Variants in DYNC1I1 observed in about 807,000 individuals in gnomAD.
DYNC1I1 encodes dynein cytoplasmic 1 intermediate chain 1, also known as cytoplasmic dynein 1 intermediate chain 1.
Under a neutral mutation model 86.6 loss-of-function variants are expected in DYNC1I1, and 43 were observed. The ratio of observed to expected loss-of-function variants is 0.50; its 90% confidence interval spans 0.39 to 0.64. The LOEUF is 0.64. Among genes scored for constraint, DYNC1I1 ranks in the 30% least tolerant of loss-of-function variants. The pLI, the probability that DYNC1I1 is intolerant of heterozygous loss-of-function variation, is 0.00. For synonymous variants in DYNC1I1, 262 were observed against 283.7 expected (o/e 0.92, Z 0.77); for missense variants, 604 against 788.8 (o/e 0.77, Z 2.81).
intron 5 of DYNC1I1, among the ~76,000 whole-genome samples, chr7:95,838,914 C>T (rs888554427): frequency 6.6e-6 from 1 of 152,154 alleles, no homozygotes; most frequent in African/African-American, 2.4e-5. Flanking sequence ...ATGTCATCTA[C>T]AAAAAGAGAC....
intron 6 of DYNC1I1, among the ~76,000 whole-genome samples, chr7:95,952,739 TA>T (rs896300563): frequency 1.3e-5 from 2 of 151,942 alleles, no homozygotes; most frequent in Non-Finnish European, 2.9e-5. Context: ...ATAATATGCT[TA>T]AAAAAAAGCT....
chr7:95,888,417 A>G (rs1790652135), intron 6 of DYNC1I1, among the ~76,000 whole-genome samples: 1 of 152,212 alleles, frequency 6.6e-6, no homozygotes, highest in Non-Finnish European at 1.5e-5. Flanking sequence ...AGCCTGGGCA[A>G]CAGAGTGAGA....
Position 96,097,646 on chromosome 7 carries a change from C to G in DYNC1I1, c.*53C>G. On this transcript the variant is annotated 3_prime_UTR_variant, in exon 17 of 17. Coordinates refer to ENST00000447467, the MANE Select transcript of DYNC1I1 (RefSeq NM_001135556.2). ...CCCACCTTTGTGTCCTAGAGCTCAG[C>G]GTCTGCAGTCAAGTCTCTTGTATTC... is the stretch of plus-strand genomic sequence containing the variant. 6.2e-7 allele frequency: 1 copy of G among 1,606,584 alleles called. No individual in the cohort carries two copies. The highest frequency in any genetic ancestry group is 8.5e-7 in the Non-Finnish European group (1 of 1,175,924).
At chr7:95,841,785 C>T (rs1281381313) in intron 5 of DYNC1I1, among the ~76,000 whole-genome samples, 2 of 152,164 alleles carry the variant, frequency 1.3e-5, no homozygotes, top group Non-Finnish European at 2.9e-5. Flanking sequence ...GACCCTTGGG[C>T]AGCAGCTGAA....
intron 14 of DYNC1I1, among the ~76,000 whole-genome samples, chr7:96,051,583 G>C (rs1291835787): frequency 6.6e-6 from 1 of 152,148 alleles, no homozygotes; most frequent in Non-Finnish European, 1.5e-5. Flanking sequence ...CAGTTAACAT[G>C]CATCTCAATC....
At chr7:95,787,015 G>A (rs1794166635) in intron 1 of DYNC1I1, among the ~76,000 whole-genome samples, 1 of 152,172 alleles carries the variant, frequency 6.6e-6, no homozygotes, top group South Asian at 2.1e-4. Flanking sequence ...ATACAGATGG[G>A]CAGAATTAAG....
chr7:95,833,689 C>T (rs1170208668), intron 5 of DYNC1I1, among the ~76,000 whole-genome samples: 22 of 149,422 alleles, frequency 1.5e-4, no homozygotes, highest in South Asian at 6.6e-4. Flanking sequence ...CCCTCACGTC[C>T]CTTGTAAGTT....
chr7:95,881,061 G>A (rs1195424296), intron 6 of DYNC1I1, among the ~76,000 whole-genome samples: 1 of 152,144 alleles, frequency 6.6e-6, no homozygotes, highest in Admixed American at 6.6e-5. Context: ...CACGATGTCA[G>A]TTCTGAAGAA....
chr7:96,020,029 A>G (rs184123824), intron 10 of DYNC1I1, among the ~76,000 whole-genome samples: 43 of 151,456 alleles, frequency 2.8e-4, no homozygotes, highest in Non-Finnish European at 5.3e-4. Context: ...TCATGCTCCT[A>G]TTATAAAAAA....
intron 5 of DYNC1I1, among the ~76,000 whole-genome samples, chr7:95,846,262 C>T (rs1255863728): frequency 6.6e-6 from 1 of 152,140 alleles, no homozygotes; most frequent in Non-Finnish European, 1.5e-5. Context: ...AATAGCAGAA[C>T]CTCTTCCAGT....
At chr7:95,916,678 C>T (rs1433779871) in intron 6 of DYNC1I1, among the ~76,000 whole-genome samples, 2 of 152,148 alleles carry the variant, frequency 1.3e-5, no homozygotes, top group Non-Finnish European at 1.5e-5. Flanking sequence ...ACATACGCAG[C>T]CTTCCCTCGG....
At chr7:95,789,583 G>C (rs1794239176) in intron 1 of DYNC1I1, among the ~76,000 whole-genome samples, 4 of 152,128 alleles carry the variant, frequency 2.6e-5, no homozygotes, top group Admixed American at 2.6e-4. Context: ...CCAGTGCTCT[G>C]TGAATACATT....
intron 14 of DYNC1I1, among the ~76,000 whole-genome samples, chr7:96,063,638 T>TA (rs1211904683): frequency 6.6e-6 from 1 of 152,190 alleles, no homozygotes; most frequent in Non-Finnish European, 1.5e-5. Context: ...ACACCAGTCA[T>TA]ACTGGATTAC....
At chr7:95,779,470 C>T (rs1392707598) in intron 1 of DYNC1I1, among the ~76,000 whole-genome samples, 2 of 152,180 alleles carry the variant, frequency 1.3e-5, no homozygotes, top group Non-Finnish European at 2.9e-5. Context: ...ATGCTAAATA[C>T]CATAATTCTT....
Position 96,098,096 on chromosome 7 carries a change from C to A in DYNC1I1, c.*503C>A, listed in dbSNP as rs1333444499. Reference sequence around the variant, plus strand: ...GCTGCTCCTTATTTATTGTAGTGTGCTGCATGGAACGTATTTATTTGAAAG... The same window carrying A: ...GCTGCTCCTTATTTATTGTAGTGTGATGCATGGAACGTATTTATTTGAAAG... On this transcript the variant is annotated 3_prime_UTR_variant, in exon 17 of 17. Transcript: ENST00000447467. 2 of 986,706 alleles carry A rather than the reference C, an allele frequency of 2.0e-6. No homozygotes were observed. The highest frequency in any genetic ancestry group is 3.5e-5 in the African/African-American group (2 of 57,194). 61.1% of individuals were successfully genotyped at this position (986,706 alleles called of 1,614,324 possible).
intron 14 of DYNC1I1, among the ~76,000 whole-genome samples, chr7:96,049,816 G>C (rs1032030098): frequency 6.6e-6 from 1 of 152,052 alleles, no homozygotes; most frequent in Non-Finnish European, 1.5e-5. Context: ...CGGATCACCT[G>C]AGCTCAGGAG....
At chr7:95,941,202 GC>G (rs1169758708) in intron 6 of DYNC1I1, among the ~76,000 whole-genome samples, 1 of 152,016 alleles carries the variant, frequency 6.6e-6, no homozygotes, top group Non-Finnish European at 1.5e-5. Flanking sequence ...GTGTCAGTCT[GC>G]CCCTACTGGG....
intron 6 of DYNC1I1, among the ~76,000 whole-genome samples, chr7:95,952,112 A>G (rs896628703): frequency 1.3e-5 from 2 of 151,452 alleles, no homozygotes; most frequent in African/African-American, 4.9e-5. Context: ...CTTTCCTATC[A>G]TTTTCTCCCT....
intron 10 of DYNC1I1, among the ~76,000 whole-genome samples, chr7:96,024,869 C>G (rs1794639615): frequency 6.6e-6 from 1 of 152,070 alleles, no homozygotes; most frequent in Non-Finnish European, 1.5e-5. Context: ...AATTCTATGA[C>G]AATCAGCAGC....
Sources: gnomAD v4.1 joint callset for allele counts (sites outside exome capture counted in the v4.1 genomes callset) on GRCh38, gnomAD v4.1.1 for gene constraint, MANE v1.5 for transcripts, NCBI Gene and HGNC (gene_info 2026-07-23, HGNC 2026-07-21) for gene names.